Variants in NTM observed in about 807,000 individuals in gnomAD.
The protein encoded by NTM is neurotrimin, also known as IgLON family member 2.
Under a neutral mutation model 42.1 loss-of-function variants are expected in NTM, and 13 were observed. The ratio of observed to expected loss-of-function variants is 0.31; its 90% CI spans 0.20 to 0.49. The LOEUF (loss-of-function observed/expected upper bound fraction) is 0.49, where lower values mean the gene tolerates loss of function less well. Among genes scored for constraint, NTM ranks in the 20% least tolerant of loss-of-function variants. The pLI is 0.99. For missense variants in NTM, 373 were observed against 452.8 expected (o/e 0.82, Z 1.60); for synonymous variants, 187 against 179.2 (o/e 1.04, Z -0.35).
At chr11:131,875,298 G>A (rs1249104203) in intron 1 of NTM, among the ~76,000 whole-genome samples, 2 of 152,182 alleles carry the variant, frequency 1.3e-5, no homozygotes, top group Non-Finnish European at 2.9e-5. Context: ...AAAAGAGATT[G>A]AACATCACTG....
rs769740331 is a variant in NTM at position 131,424,600 on chromosome 11, CTT to C, written c.82+53729_82+53730del. ...AGTTGTTTTTTATTTCTTTTCTTTT[CTT>C]TTTTTTTTTTTTTTTTGGCGCAATC... On this transcript the variant is annotated intron_variant, in intron 1 of 8. Coordinates refer to ENST00000683400, the MANE Select transcript of NTM (RefSeq NM_001352005.2). Among the ~76,000 whole-genome samples the C allele has an allele frequency of 3.4e-4, 19 of 56,036 alleles. 1 individual carries two copies. The highest frequency in any genetic ancestry group is 4.4e-4 in the Non-Finnish European group (14 of 31,692). The allele number at this position is 56,036 out of a possible 152,430, so 36.8% of individuals were successfully genotyped here. A position where few individuals can be genotyped will look rare whatever the true frequency, so the allele number is the denominator to read the frequency against.
intron 4 of NTM, among the ~76,000 whole-genome samples, chr11:132,281,837 A>G (rs1202603029): frequency 6.6e-6 from 1 of 152,234 alleles, no homozygotes; most frequent in Non-Finnish European, 1.5e-5. Flanking sequence ...GACTTCACAC[A>G]TGATAAAAAG....
At position 131,540,226 on chromosome 11, in the gene NTM, A is replaced by G. The variant is rs115789311; in HGVS notation, c.82+169338A>G. 6.9e-3 allele frequency among the ~76,000 whole-genome samples: 886 copies of G among 128,850 alleles called. 7 individuals are homozygous for G. The highest frequency in any genetic ancestry group is 0.024 in the African/African-American group (828 of 34,066). 84.5% of individuals were successfully genotyped at this position (128,850 alleles called of 152,430 possible). A position where few individuals can be genotyped will look rare whatever the true frequency, so the allele number is the denominator to read the frequency against. On this transcript the variant is annotated intron_variant, in intron 1 of 8. Transcript: ENST00000683400. ...GTTGCCCAGGAAGGAGTGCAGTGGC[A>G]TAATCTTGGCTCACTGCAACATCCG...
chr11:132,030,671 C>G (rs944022293), intron 2 of NTM, among the ~76,000 whole-genome samples: 1 of 152,128 alleles, frequency 6.6e-6, no homozygotes, highest in African/African-American at 2.4e-5. Context: ...CCTCATATGC[C>G]AAAGCCCTGT....
intron 4 of NTM, among the ~76,000 whole-genome samples, chr11:132,273,098 T>TG (rs1238017555): frequency 6.6e-6 from 1 of 150,664 alleles, no homozygotes; most frequent in Non-Finnish European, 1.5e-5. Flanking sequence ...TTGTTGTGTG[T>TG]TTTTTTTATC....
At chr11:131,438,834 G>A (rs1949362207) in intron 1 of NTM, among the ~76,000 whole-genome samples, 1 of 152,196 alleles carries the variant, frequency 6.6e-6, no homozygotes, top group Non-Finnish European at 1.5e-5. Context: ...TGCTGGAGAG[G>A]AACTGCAGTC....
At chr11:131,595,676 C>A (rs2059755882) in intron 1 of NTM, among the ~76,000 whole-genome samples, 1 of 152,330 alleles carries the variant, frequency 6.6e-6, no homozygotes, top group Non-Finnish European at 1.5e-5. Flanking sequence ...CTGGGATGGG[C>A]TGTGTACAGA....
At chr11:131,374,472 G>A (rs1941691757) in intron 1 of NTM, among the ~76,000 whole-genome samples, 1 of 152,166 alleles carries the variant, frequency 6.6e-6, no homozygotes, top group Non-Finnish European at 1.5e-5. Flanking sequence ...CCAAATATAA[G>A]CCCCCAGATC....
chr11:131,911,192 C>T (rs2054867303), intron 1 of NTM: 2 of 1,365,112 alleles, frequency 1.5e-6, no homozygotes, highest in East Asian at 5.8e-5. Flanking sequence ...CTGCCGCGCG[C>T]TTCCCCCTCC....
At chr11:132,307,568 T>C (rs2140181713) in intron 4 of NTM, 121 bp from the exon 5 acceptor site, 2 of 1,376,442 alleles carry the variant, frequency 1.5e-6, no homozygotes, top group Admixed American at 2.0e-5. Flanking sequence ...TTCCTCAGAA[T>C]CTGAACTTAC....
At chr11:131,532,023 T>C (rs2051351676) in intron 1 of NTM, among the ~76,000 whole-genome samples, 1 of 152,222 alleles carries the variant, frequency 6.6e-6, no homozygotes, top group Non-Finnish European at 1.5e-5. Flanking sequence ...GTGTGTTGCT[T>C]GGTTTTTGGA....
chr11:131,871,740 G>A (rs2047807159), intron 1 of NTM, among the ~76,000 whole-genome samples: 1 of 152,054 alleles, frequency 6.6e-6, no homozygotes, highest in Non-Finnish European at 1.5e-5. Context: ...ATCATGCTTT[G>A]TGGCTCCTGT....
In NTM at chr11:131,846,707, A is replaced by G. The variant is rs367573591; in HGVS notation, c.83-64857A>G. 7.9e-5 allele frequency among the ~76,000 whole-genome samples: 12 copies of G among 152,174 alleles called. No individual in the cohort carries two copies. The South Asian group carries it at 1.5e-3, about 18-fold the overall frequency. On this transcript the variant is annotated intron_variant, in intron 1 of 8. Transcript: ENST00000683400. ...ATATTCCATGTGTACTTGGAAATGTATGTATTATTTATAGAAATCTGTAGT... is the reference window on the plus strand; with the variant it reads ...ATATTCCATGTGTACTTGGAAATGTGTGTATTATTTATAGAAATCTGTAGT...
At chr11:132,168,382 T>C (rs1327988671) in intron 3 of NTM, among the ~76,000 whole-genome samples, 1 of 152,218 alleles carries the variant, frequency 6.6e-6, no homozygotes, top group Non-Finnish European at 1.5e-5. Flanking sequence ...TTGCCTCTAC[T>C]CTATGAGGTA....
intron 1 of NTM, among the ~76,000 whole-genome samples, chr11:131,721,262 C>T (rs1208123138): frequency 6.6e-6 from 1 of 152,084 alleles, no homozygotes; most frequent in African/African-American, 2.4e-5. Flanking sequence ...TACAATGCTA[C>T]CCTTATTCCG....
chr11:131,468,766 A>G (rs1213746143), intron 1 of NTM, among the ~76,000 whole-genome samples: 1 of 151,958 alleles, frequency 6.6e-6, no homozygotes, highest in African/African-American at 2.4e-5. Context: ...TATCTTCAAA[A>G]CTCCCTAGGG....
chr11:131,744,139 T>C (rs900001507), intron 1 of NTM, among the ~76,000 whole-genome samples: 1 of 152,194 alleles, frequency 6.6e-6, no homozygotes, highest in South Asian at 2.1e-4. Flanking sequence ...GATTTCCCCA[T>C]CTGTGAATTA....
At chr11:132,042,071 CTG>C (rs2077277515) in intron 2 of NTM, among the ~76,000 whole-genome samples, 1 of 152,220 alleles carries the variant, frequency 6.6e-6, no homozygotes, top group East Asian at 1.9e-4. Flanking sequence ...AAATTTATGA[CTG>C]TGTATTGTTT....
chr11:131,943,598 C>T (rs768594123), intron 2 of NTM, among the ~76,000 whole-genome samples: 6 of 152,190 alleles, frequency 3.9e-5, no homozygotes, highest in African/African-American at 1.2e-4. Flanking sequence ...TCTACTTCTC[C>T]GGCTCGTTTT....
Sources: allele counts gnomAD v4.1 joint callset (sites outside exome capture counted in the v4.1 genomes callset), GRCh38; gene constraint gnomAD v4.1.1; transcripts MANE v1.5; gene names NCBI Gene and HGNC (gene_info 2026-07-23, HGNC 2026-07-21).